Variants in SFMBT2 observed in about 807,000 individuals in gnomAD.
SFMBT2 encodes scm-like with four MBT domains protein 2.
Under a neutral mutation model 110.1 loss-of-function variants are expected in SFMBT2, and 38 were observed. The ratio of observed to expected loss-of-function variants is 0.35; its 90% CI spans 0.27 to 0.45. The LOEUF (loss-of-function observed/expected upper bound fraction) is 0.45, where lower values mean the gene tolerates loss of function less well. SFMBT2 is among the 20% of genes least tolerant of loss of function. SFMBT2 has a pLI of 1.00. For missense variants in SFMBT2, 1,011 were observed against 1,094.9 expected (o/e 0.92, Z 1.08); for synonymous variants, 425 against 425.4 (o/e 1.00, Z 0.01).
At chr10:7,289,363 G>A (rs1842196433) in intron 4 of SFMBT2, among the ~76,000 whole-genome samples, 1 of 152,222 alleles carries the variant, frequency 6.6e-6, no homozygotes, top group African/African-American at 2.4e-5. Context: ...TAACAGTTAA[G>A]TGAAAATTTT....
At chr10:7,274,505 C>T (rs1317619926) in intron 7 of SFMBT2, among the ~76,000 whole-genome samples, 1 of 152,112 alleles carries the variant, frequency 6.6e-6, no homozygotes, top group African/African-American at 2.4e-5. Flanking sequence ...ATGATAAGGG[C>T]CTTCCCCCTT....
chr10:7,214,975 C>T (rs949189376), intron 11 of SFMBT2, among the ~76,000 whole-genome samples: 1 of 152,216 alleles, frequency 6.6e-6, no homozygotes, highest in African/African-American at 2.4e-5. Context: ...TGCTTGTCTT[C>T]CTAACTCTTG....
chr10:7,399,656 G>C (rs915470271), intron 1 of SFMBT2, among the ~76,000 whole-genome samples: 1 of 152,212 alleles, frequency 6.6e-6, no homozygotes, highest in Admixed American at 6.5e-5. Context: ...TAAAGAACTT[G>C]GAAAATGTGC....
chr10:7,409,822 T>A (rs1317518783), intron 1 of SFMBT2, among the ~76,000 whole-genome samples: 1 of 151,990 alleles, frequency 6.6e-6, no homozygotes, highest in Admixed American at 6.6e-5. Flanking sequence ...ATATTGAAAC[T>A]GGCACGGTTT....
intron 4 of SFMBT2, among the ~76,000 whole-genome samples, chr10:7,322,003 A>G (rs1334979018): frequency 6.6e-6 from 1 of 152,258 alleles, no homozygotes; most frequent in Non-Finnish European, 1.5e-5. Context: ...AATGACAAAT[A>G]GGACCAGCAC....
intron 16 of SFMBT2, among the ~76,000 whole-genome samples, chr10:7,182,728 A>AG (rs1038833549): frequency 8.8e-5 from 4 of 45,566 alleles, no homozygotes; most frequent in Non-Finnish European, 1.2e-4. Flanking sequence ...GGGGTGGGGG[A>AG]GGGGGGAGGG....
chr10:7,250,994 G>A (rs193011819), intron 7 of SFMBT2, among the ~76,000 whole-genome samples: 4 of 152,130 alleles, frequency 2.6e-5, no homozygotes, highest in Admixed American at 6.5e-5. Context: ...GCTAGCATCC[G>A]AATTCAAAGA....
At chr10:7,166,832 T>TA (rs1837710373) in intron 20 of SFMBT2, among the ~76,000 whole-genome samples, 1 of 152,164 alleles carries the variant, frequency 6.6e-6, no homozygotes, top group South Asian at 2.1e-4. Context: ...ACACCAAAGG[T>TA]AAAATCATGA....
intron 12 of SFMBT2, chr10:7,204,317 A>T: frequency 1.0e-6 from 1 of 984,320 alleles, no homozygotes; most frequent in Non-Finnish European, 1.2e-6. Context: ...ATGCAATGGA[A>T]CTGTGTTTCC....
At chr10:7,332,740 A>G (rs1843601953) in intron 4 of SFMBT2, among the ~76,000 whole-genome samples, 1 of 152,256 alleles carries the variant, frequency 6.6e-6, no homozygotes, top group Non-Finnish European at 1.5e-5. Flanking sequence ...ACACACAAAT[A>G]GAGAACCAGT....
intron 11 of SFMBT2, among the ~76,000 whole-genome samples, chr10:7,212,200 C>T (rs550809272): frequency 6.6e-6 from 1 of 152,352 alleles, no homozygotes; most frequent in African/African-American, 2.4e-5. Context: ...GTCATAGAGA[C>T]AAACCAGTCA....
At chr10:7,185,385 A>G (rs1588777169) in intron 16 of SFMBT2, among the ~76,000 whole-genome samples, 1 of 152,366 alleles carries the variant, frequency 6.6e-6, no homozygotes, top group Admixed American at 6.5e-5. Context: ...CTTTTTTTAC[A>G]TAAATCACTT....
chr10:7,373,420 C>A (rs1845112677), intron 2 of SFMBT2, among the ~76,000 whole-genome samples: 1 of 152,106 alleles, frequency 6.6e-6, no homozygotes, highest in South Asian at 2.1e-4. Flanking sequence ...GAACACGAAA[C>A]AGAATGAAAC....
intron 4 of SFMBT2, among the ~76,000 whole-genome samples, chr10:7,346,714 A>C (rs1844122370): frequency 6.6e-6 from 1 of 151,952 alleles, no homozygotes; most frequent in African/African-American, 2.4e-5. Flanking sequence ...GCACGCCTGT[A>C]ATCCCAGCAC....
At position 7,200,457 on chromosome 10, in the gene SFMBT2, T is replaced by C. The variant is rs1588795925; in HGVS notation, c.1515A>G (p.Lys505=). ...KQLPPTVPVK[K]IPHDLCLFPH... The stretch of plus-strand genomic sequence containing the variant: ...GGAATAAACAAAGGTCATGAGGTAT[T>C]TTCTTAACAGGCACTGTGGGCGGCA... Residue 505 remains lysine (K), a synonymous_variant, in exon 14 of 21, where the codon AAA becomes AAG. Transcript: ENST00000397167. 3 of 1,602,298 alleles carry C rather than the reference T, an allele frequency of 1.9e-6. No individual in the cohort carries two copies. The African/African-American group carries it at 4.0e-5, about 22-fold the overall frequency.
At chr10:7,340,284 T>C (rs1843850527) in intron 4 of SFMBT2, among the ~76,000 whole-genome samples, 1 of 152,010 alleles carries the variant, frequency 6.6e-6, no homozygotes, top group Non-Finnish European at 1.5e-5. Flanking sequence ...ATCTTCATGC[T>C]GAGTAGGTGA....
chr10:7,388,973 C>T (rs11255102), intron 1 of SFMBT2, among the ~76,000 whole-genome samples: 1,578 of 152,252 alleles, frequency 0.01, 16 homozygotes, highest in Non-Finnish European at 0.016. Context: ...TGAACTAAGA[C>T]AGTGGAGAAG....
Position 7,172,491 on chromosome 10 carries a change from A to G in SFMBT2, c.2151+4T>C. 2 of 1,613,654 alleles carry G rather than the reference A, an allele frequency of 1.2e-6. No individual in the cohort carries two copies. The highest frequency in any genetic ancestry group is 1.7e-6 in the Non-Finnish European group (2 of 1,180,038). On this transcript the variant is annotated splice_donor_region_variant and intron_variant, in intron 18 of 20. Transcript: ENST00000397167. The surrounding 1 kb of genome is among the most constrained non-coding windows in gnomAD (Gnocchi z 4.6). ...GGCTGGCAGGTGCCCCGGGCAGAAC[A>G]TACCTCCCCCGAGCCCGCGGTGAAG... is the stretch of plus-strand genomic sequence containing the variant.
chr10:7,283,491 TG>T (rs1415200635), intron 6 of SFMBT2, among the ~76,000 whole-genome samples: 1 of 152,126 alleles, frequency 6.6e-6, no homozygotes, highest in African/African-American at 2.4e-5. Flanking sequence ...AATGGATAGA[TG>T]GGTGGATGAG....
Sources: gnomAD v4.1 joint callset for allele counts (sites outside exome capture counted in the v4.1 genomes callset) on GRCh38, gnomAD v4.1.1 for gene constraint, Gnocchi (gnomAD v3.1) non-coding constraint, MANE v1.5 for transcripts, NCBI Gene and HGNC (gene_info 2026-07-23, HGNC 2026-07-21) for gene names.